CATSPERE: variants seen among roughly 807,000 people sequenced by gnomAD.
The protein encoded by CATSPERE is cation channel sperm-associated auxiliary subunit epsilon.
A neutral mutation model predicts 114.1 loss-of-function variants in CATSPERE; 93 were observed. The ratio of observed to expected loss-of-function variants is 0.81; its 90% CI spans 0.69 to 0.97. The LOEUF (loss-of-function observed/expected upper bound fraction) is 0.97, where lower values mean the gene tolerates loss of function less well. Among genes scored for constraint, CATSPERE ranks in the 50% least tolerant of loss-of-function variants. CATSPERE has a pLI of 0.00. For missense variants in CATSPERE, 1,058 were observed against 1,131.6 expected, an observed-to-expected ratio of 0.93 and a Z score of 0.93; for synonymous variants, 341 against 384.1, an observed-to-expected ratio of 0.89 and a Z score of 1.31.
chr1:244,453,142 C>T (rs1299224288), upstream of CATSPERE, among the ~76,000 whole-genome samples: 1 of 152,156 alleles, frequency 6.6e-6, no homozygotes, highest in Admixed American at 6.5e-5. Flanking sequence ...CTCAAGGATT[C>T]AAATTATTTG....
chr1:244,489,728 C>T (rs903007317), intron 5 of CATSPERE, among the ~76,000 whole-genome samples: 4 of 151,922 alleles, frequency 2.6e-5, no homozygotes, highest in Non-Finnish European at 5.9e-5. Context: ...ATTAACTGTG[C>T]ACCAATTTCT....
At chr1:244,474,955 C>T (rs1669075674) in intron 2 of CATSPERE, among the ~76,000 whole-genome samples, 1 of 151,766 alleles carries the variant, frequency 6.6e-6, no homozygotes, top group Non-Finnish European at 1.5e-5. Context: ...GTTGCTCAGG[C>T]TGGTCTTGAA....
intron 21 of CATSPERE, among the ~76,000 whole-genome samples, chr1:244,638,211 C>T (rs894029507): frequency 2.0e-5 from 3 of 152,226 alleles, no homozygotes; most frequent in Non-Finnish European, 2.9e-5. Flanking sequence ...CCTCTTTCTC[C>T]GATCCATCCA....
intron 14 of CATSPERE, among the ~76,000 whole-genome samples, chr1:244,589,832 C>T (rs1342063586): frequency 6.6e-6 from 1 of 152,176 alleles, no homozygotes; most frequent in Non-Finnish European, 1.5e-5. Flanking sequence ...TCATCAGAAT[C>T]ACTTGGAGAA....
intron 10 of CATSPERE, among the ~76,000 whole-genome samples, chr1:244,561,608 T>C (rs1427894767): frequency 6.6e-6 from 1 of 152,104 alleles, no homozygotes; most frequent in Non-Finnish European, 1.5e-5. Context: ...TTTTGTGTTA[T>C]ACAGCACATA....
intron 8 of CATSPERE, among the ~76,000 whole-genome samples, chr1:244,537,208 C>G (rs1680520385): frequency 6.6e-6 from 1 of 152,182 alleles, no homozygotes; most frequent in Non-Finnish European, 1.5e-5. Context: ...AAGGTCCCCT[C>G]TGTTGCTAGT....
chr1:244,583,788 C>T, intron 12 of CATSPERE, 76 bp from the exon 13 acceptor site: 2 of 1,373,952 alleles, frequency 1.5e-6, no homozygotes, highest in Non-Finnish European at 2.1e-6. Flanking sequence ...TGGGACTTTG[C>T]ACTTGCTCTA....
chr1:244,574,709 T>C (rs1664978565), intron 11 of CATSPERE, among the ~76,000 whole-genome samples: 3 of 152,180 alleles, frequency 2.0e-5, no homozygotes, highest in Admixed American at 6.5e-5. Context: ...AATACTATTA[T>C]ACATTTGCTT....
chr1:244,558,227 C>T (rs182533707), intron 9 of CATSPERE, among the ~76,000 whole-genome samples: 135 of 150,904 alleles, frequency 8.9e-4, no homozygotes, highest in African/African-American at 3.0e-3. Context: ...CTGCAACCTC[C>T]GCCTCCCAGA....
Position 244,621,126 on chromosome 1 carries a change from T to G in CATSPERE, c.2648+3440T>G, listed in dbSNP as rs1263661045. On this transcript the variant is annotated intron_variant, in intron 20 of 21. Transcript: ENST00000366534. ...TATAAATATATATATAATATATATATAAATATATATAAAATATATATATTA... is the reference window on the plus strand; with the variant it reads ...TATAAATATATATATAATATATATAGAAATATATATAAAATATATATATTA... 4.1e-5 allele frequency among the ~76,000 whole-genome samples: 4 copies of G among 96,720 alleles called. 1 individual carries two copies. The highest frequency in any genetic ancestry group is 5.6e-5 in the Non-Finnish European group (3 of 53,194). 63.5% of individuals were successfully genotyped at this position (96,720 alleles called of 152,430 possible).
chr1:244,519,946 A>T (rs1165337434), intron 8 of CATSPERE, among the ~76,000 whole-genome samples: 1 of 152,088 alleles, frequency 6.6e-6, no homozygotes, highest in Non-Finnish European at 1.5e-5. Context: ...GATAACCCTC[A>T]CTCACGGATT....
chr1:244,505,833 C>T (rs990959139), intron 7 of CATSPERE, among the ~76,000 whole-genome samples: 1 of 151,924 alleles, frequency 6.6e-6, no homozygotes, highest in Non-Finnish European at 1.5e-5. Flanking sequence ...AGTGAAAGCC[C>T]ATCTCTACTA....
chr1:244,525,548 A>C (rs1238176751), intron 8 of CATSPERE, among the ~76,000 whole-genome samples: 1 of 152,138 alleles, frequency 6.6e-6, no homozygotes, highest in Non-Finnish European at 1.5e-5. Flanking sequence ...ATACGCAACA[A>C]TGAAACACTA....
intron 9 of CATSPERE, among the ~76,000 whole-genome samples, chr1:244,553,319 T>C (rs933733662): frequency 5.3e-5 from 8 of 151,860 alleles, no homozygotes; most frequent in Non-Finnish European, 7.4e-5. Context: ...CACAGCACTT[T>C]GGGAGGCCGA....
At chr1:244,539,384 A>G (rs1395973923) in intron 8 of CATSPERE, among the ~76,000 whole-genome samples, 9 of 128,746 alleles carry the variant, frequency 7.0e-5, no homozygotes, top group Admixed American at 6.9e-4. Context: ...CCAGTATTTT[A>G]TTGAGGATTT....
At chr1:244,552,109 G>GA (rs1660756814) in intron 8 of CATSPERE, among the ~76,000 whole-genome samples, 1 of 146,792 alleles carries the variant, frequency 6.8e-6, no homozygotes, top group South Asian at 2.1e-4. Context: ...TGAGAATACA[G>GA]AGACAGAAAC....
intron 10 of CATSPERE, among the ~76,000 whole-genome samples, chr1:244,565,069 G>A (rs1663221103): frequency 6.6e-6 from 1 of 152,180 alleles, no homozygotes; most frequent in Non-Finnish European, 1.5e-5. Flanking sequence ...TGCATATATT[G>A]AACCAGCCTT....
Position 244,522,598 on chromosome 1 carries a change from A to T in CATSPERE, c.536+3900A>T, listed in dbSNP as rs1260198077. On this transcript the variant is annotated intron_variant, in intron 8 of 21. Transcript: ENST00000366534. The stretch of plus-strand genomic sequence containing the variant: ...TTGATAGACCACTAGCAAAACTAAT[A>T]AAGAAAAAAAGAGAGAAGAATCAAA... Among the ~76,000 whole-genome samples the T allele has an allele frequency of 3.3e-5, 5 of 152,174 alleles. No individual in the cohort carries two copies. In the South Asian group the frequency reaches 8.3e-4, roughly 25 times the overall value.
At chr1:244,622,780 G>C (rs926759218) in intron 20 of CATSPERE, among the ~76,000 whole-genome samples, 2 of 152,086 alleles carry the variant, frequency 1.3e-5, no homozygotes, top group Admixed American at 1.3e-4. Flanking sequence ...CTTACTCACC[G>C]ACAAGAGTAT....
Sources: gnomAD v4.1 joint callset for allele counts (sites outside exome capture counted in the v4.1 genomes callset) on GRCh38, gnomAD v4.1.1 for gene constraint, MANE v1.5 for transcripts, NCBI Gene and HGNC (gene_info 2026-07-23, HGNC 2026-07-21) for gene names.